Variants in NRXN1 observed in about 807,000 individuals in gnomAD.
The protein encoded by NRXN1 is neurexin 1.
Under a neutral mutation model 150.9 loss-of-function variants are expected in NRXN1, and 39 were observed. The ratio of observed to expected loss-of-function variants is 0.26; its 90% CI spans 0.20 to 0.34. The LOEUF is 0.34. Ranked by LOEUF, NRXN1 falls within the 10% of genes least tolerant of loss-of-function variation. NRXN1 has a pLI of 1.00. For missense variants in NRXN1, 1,815 were observed against 1,949.9 expected (o/e 0.93, Z 1.30); for synonymous variants, 924 against 757.0 (o/e 1.22, Z -3.62).
chr2:50,684,748 C>T (rs1346443218), intron 5 of NRXN1, among the ~76,000 whole-genome samples: 4 of 152,170 alleles, frequency 2.6e-5, no homozygotes. Context: ...CCAAGGTCCC[C>T]AGTTTAGATT....
At chr2:49,979,732 T>C (rs1327246343) in intron 21 of NRXN1, among the ~76,000 whole-genome samples, 3 of 152,074 alleles carry the variant, frequency 2.0e-5, no homozygotes, top group Admixed American at 6.6e-5. Context: ...ATTGTCTTAG[T>C]TTTTTATTAT....
At chr2:50,419,295 T>C (rs2083786388) in intron 17 of NRXN1, among the ~76,000 whole-genome samples, 1 of 152,102 alleles carries the variant, frequency 6.6e-6, no homozygotes, top group Non-Finnish European at 1.5e-5. Context: ...TACTTGGTAA[T>C]GAGTTTTGGA....
intron 17 of NRXN1, among the ~76,000 whole-genome samples, chr2:50,272,614 G>T (rs10211388): frequency 0.14 from 21,421 of 151,936 alleles, 1,708 homozygotes; most frequent in African/African-American, 0.21. Context: ...ACTAAAAGCA[G>T]GAAAAAATGG....
chr2:50,016,608 G>C (rs977255593), intron 21 of NRXN1: 3 of 152,072 alleles, frequency 2.0e-5, no homozygotes, highest in Admixed American at 1.3e-4. Context: ...GCCCGCAGGG[G>C]AAATGCCAGA....
chr2:50,798,079 A>G (rs549457302), intron 5 of NRXN1, among the ~76,000 whole-genome samples: 34 of 152,322 alleles, frequency 2.2e-4, no homozygotes, highest in African/African-American at 7.7e-4. Context: ...GGAGAAGGAA[A>G]GAGAATGCTT....
At chr2:50,398,578 T>C (rs752798337) in intron 17 of NRXN1, among the ~76,000 whole-genome samples, 2 of 152,120 alleles carry the variant, frequency 1.3e-5, no homozygotes, top group Non-Finnish European at 2.9e-5. Flanking sequence ...TAATTTATTA[T>C]AGCAGATAAA....
chr2:50,140,194 A>C (rs1707064604), intron 18 of NRXN1, among the ~76,000 whole-genome samples: 1 of 152,204 alleles, frequency 6.6e-6, no homozygotes, highest in Non-Finnish European at 1.5e-5. Context: ...AATGATTATT[A>C]TTAACATTGA....
intron 17 of NRXN1, among the ~76,000 whole-genome samples, chr2:50,353,477 G>A (rs890901596): frequency 2.6e-5 from 4 of 152,072 alleles, no homozygotes; most frequent in Admixed American, 1.3e-4. Context: ...GCCTGACTGT[G>A]AGTATGAATC....
At chr2:50,600,527 G>A (rs375442405) in intron 8 of NRXN1, among the ~76,000 whole-genome samples, 37 of 152,172 alleles carry the variant, frequency 2.4e-4, no homozygotes, top group African/African-American at 8.4e-4. Context: ...GTTTCACCAT[G>A]TTGACCAGGC....
chr2:50,373,384 T>A (rs2080179223), intron 17 of NRXN1, among the ~76,000 whole-genome samples: 1 of 148,704 alleles, frequency 6.7e-6, no homozygotes, highest in South Asian at 2.1e-4. Context: ...AGGATAAAAA[T>A]TGTTGTTGAT....
At chr2:50,639,198 ATTTT>A (rs143128064) in intron 5 of NRXN1, among the ~76,000 whole-genome samples, 20 of 108,568 alleles carry the variant, frequency 1.8e-4, no homozygotes, top group East Asian at 9.8e-4. Flanking sequence ...TGCATTTATC[ATTTT>A]TTTCTTTCTT....
intron 8 of NRXN1, among the ~76,000 whole-genome samples, chr2:50,568,817 A>G (rs2105443681): frequency 6.6e-6 from 1 of 152,296 alleles, no homozygotes; most frequent in East Asian, 1.9e-4. Flanking sequence ...AAGGAAATCA[A>G]TATATCAAGA....
rs149092040 is a variant in NRXN1 at position 50,244,044 on chromosome 2, T to A, written c.3365-7074A>T. 4.7e-3 allele frequency among the ~76,000 whole-genome samples: 710 copies of A among 151,970 alleles called. 6 individuals are homozygous for A. Among genetic ancestry groups the A allele is most frequent in the African/African-American group, 0.016 (671 of 41,554 alleles). ...CCTCTACCTATTGGCCCAAAACTTT[T>A]CTCTAATAAAAATGTTTTTCTAATA... On this transcript the variant is annotated intron_variant, in intron 17 of 22. Coordinates refer to ENST00000401669, the MANE Select transcript of NRXN1 (RefSeq NM_001330078.2).
intron 15 of NRXN1, among the ~76,000 whole-genome samples, chr2:50,484,025 GC>G (rs2090685080): frequency 2.0e-5 from 3 of 152,188 alleles, no homozygotes; most frequent in Admixed American, 2.0e-4. Context: ...TAAAAGAACA[GC>G]TCTTTCCTAT....
At chr2:50,959,847 A>C (rs1052316313) in intron 2 of NRXN1, among the ~76,000 whole-genome samples, 1 of 152,174 alleles carries the variant, frequency 6.6e-6, no homozygotes, top group Admixed American at 6.6e-5. Flanking sequence ...ACATTTCTTG[A>C]TAGCTCATGT....
intron 17 of NRXN1, among the ~76,000 whole-genome samples, chr2:50,329,397 T>C (rs533063541): frequency 1.3e-5 from 2 of 151,004 alleles, no homozygotes; most frequent in East Asian, 2.0e-4. Flanking sequence ...AAAATAATAA[T>C]TGCAATCTGG....
At chr2:49,943,426 A>T (rs1215801107) in intron 22 of NRXN1, among the ~76,000 whole-genome samples, 1 of 152,200 alleles carries the variant, frequency 6.6e-6, no homozygotes, top group Non-Finnish European at 1.5e-5. Context: ...ACACACAAAA[A>T]TTATGTTGTG....
chr2:50,672,487 G>C (rs1286544492), intron 5 of NRXN1, among the ~76,000 whole-genome samples: 2 of 151,950 alleles, frequency 1.3e-5, no homozygotes, highest in African/African-American at 2.4e-5. Context: ...ATTTTAAGTT[G>C]TGGTTAAATC....
chr2:50,200,141 A>C (rs978018798), intron 18 of NRXN1, among the ~76,000 whole-genome samples: 1 of 152,192 alleles, frequency 6.6e-6, no homozygotes, highest in Admixed American at 6.5e-5. Flanking sequence ...TTGATTCAGC[A>C]ATGGAAATAT....
Sources: allele counts gnomAD v4.1 joint callset (sites outside exome capture counted in the v4.1 genomes callset), GRCh38; gene constraint gnomAD v4.1.1; transcripts MANE v1.5; gene names NCBI Gene and HGNC (gene_info 2026-07-23, HGNC 2026-07-21).